The following TRPS1 variants were observed in gnomAD, a reference collection of about 807,000 sequenced individuals.
The protein encoded by TRPS1 is transcriptional repressor GATA binding 1.
Under a neutral mutation model 101.2 loss-of-function variants are expected in TRPS1, and 6 were observed. That is an observed-to-expected ratio of 0.06 (90% confidence interval 0.03 to 0.12). The LOEUF (loss-of-function observed/expected upper bound fraction) is 0.12, where lower values mean the gene tolerates loss of function less well. Ranked by LOEUF, TRPS1 falls within the 10% of genes least tolerant of loss-of-function variation. The probability of loss-of-function intolerance (pLI) is 1.00; values close to 1 mark genes in which losing one functional copy is unlikely to be tolerated. For synonymous variants in TRPS1, 578 were observed against 589.8 expected (o/e 0.98, Z 0.29); for missense variants, 1,363 against 1,567.0 (o/e 0.87, Z 2.20).
chr8:115,593,505 G>C (rs940615251), intron 4 of TRPS1, among the ~76,000 whole-genome samples: 1 of 152,098 alleles, frequency 6.6e-6, no homozygotes, highest in African/African-American at 2.4e-5. Flanking sequence ...GTACCTAAAA[G>C]ATTTGAGCAT....
chr8:115,469,355 C>G (rs1201416572), intron 5 of TRPS1, among the ~76,000 whole-genome samples: 1 of 152,180 alleles, frequency 6.6e-6, no homozygotes, highest in East Asian at 1.9e-4. Context: ...GCTAAGAAGA[C>G]AGAACCTGGT....
intron 5 of TRPS1, among the ~76,000 whole-genome samples, chr8:115,460,283 A>C (rs1814135163): frequency 6.6e-6 from 1 of 151,936 alleles, no homozygotes; most frequent in African/African-American, 2.4e-5. Context: ...AAATGTTAGT[A>C]TTTTAGTTTA....
At chr8:115,492,797 A>T (rs1815060705) in intron 5 of TRPS1, among the ~76,000 whole-genome samples, 1 of 151,898 alleles carries the variant, frequency 6.6e-6, no homozygotes, top group South Asian at 2.1e-4. Context: ...CACTGCAACC[A>T]CCACCTCCCA....
chr8:115,541,290 T>C (rs1010939507), intron 5 of TRPS1, among the ~76,000 whole-genome samples: 3 of 152,202 alleles, frequency 2.0e-5, no homozygotes, highest in Non-Finnish European at 4.4e-5. Flanking sequence ...CTTACTATAC[T>C]TTTTTGATAT....
At chr8:115,518,160 A>G (rs1815767933) in intron 5 of TRPS1, among the ~76,000 whole-genome samples, 1 of 151,822 alleles carries the variant, frequency 6.6e-6, no homozygotes, top group East Asian at 1.9e-4. Flanking sequence ...AACAAATCCA[A>G]ACCTTACAGT....
At chr8:115,488,159 T>G (rs1422723490) in intron 5 of TRPS1, among the ~76,000 whole-genome samples, 1 of 152,190 alleles carries the variant, frequency 6.6e-6, no homozygotes, top group South Asian at 2.1e-4. Flanking sequence ...CCTTAGAGGC[T>G]TAGATAATCA....
chr8:115,560,429 A>C (rs1486784522), intron 5 of TRPS1, among the ~76,000 whole-genome samples: 10 of 152,174 alleles, frequency 6.6e-5, no homozygotes, highest in Non-Finnish European at 1.5e-4. Context: ...CACGTTGCTA[A>C]GGTGTAAAGG....
chr8:115,647,061 A>G (rs1470284572), intron 1 of TRPS1, among the ~76,000 whole-genome samples: 2 of 152,180 alleles, frequency 1.3e-5, no homozygotes, highest in Non-Finnish European at 2.9e-5. Context: ...CCTGTCACCT[A>G]CAAGTTAAAA....
intron 5 of TRPS1, among the ~76,000 whole-genome samples, chr8:115,472,961 T>C (rs1418700452): frequency 1.3e-5 from 2 of 152,234 alleles, no homozygotes; most frequent in Non-Finnish European, 2.9e-5. Flanking sequence ...ATCAGCATGT[T>C]ACTCAAAGCC....
chr8:115,631,634 CATGGATGGATGG>C (rs57368306), intron 1 of TRPS1, among the ~76,000 whole-genome samples: 62 of 149,376 alleles, frequency 4.2e-4, no homozygotes, highest in East Asian at 1.8e-3. Context: ...TTATTAGATG[CATGGATGGATGG>C]ATGGATGGAT....
At chr8:115,572,238 C>A (rs907579856) in intron 5 of TRPS1, among the ~76,000 whole-genome samples, 4 of 151,866 alleles carry the variant, frequency 2.6e-5, no homozygotes, top group Non-Finnish European at 4.4e-5. Flanking sequence ...GCAGAGGGGG[C>A]CTCACTCATT....
intron 5 of TRPS1, among the ~76,000 whole-genome samples, chr8:115,499,959 C>CTTTCTTTCTTTCT (rs1554578307): frequency 2.7e-4 from 16 of 59,980 alleles, no homozygotes; most frequent in African/African-American, 4.1e-4. Context: ...TTCTTTCTTT[C>CTTTCTTTCTTTCT]TTTCTTTTCT....
At chr8:115,471,127 T>C (rs1388115133) in intron 5 of TRPS1, among the ~76,000 whole-genome samples, 1 of 152,158 alleles carries the variant, frequency 6.6e-6, no homozygotes, top group African/African-American at 2.4e-5. Flanking sequence ...TCAGCACCTA[T>C]CTACCTCCTC....
At chr8:115,618,521 T>C (rs1818318661) in intron 3 of TRPS1, among the ~76,000 whole-genome samples, 1 of 152,206 alleles carries the variant, frequency 6.6e-6, no homozygotes, top group Non-Finnish European at 1.5e-5. Flanking sequence ...CAGAAAGGAA[T>C]GCTTTATTGG....
At chr8:115,491,743 C>T (rs1020841958) in intron 5 of TRPS1, among the ~76,000 whole-genome samples, 3 of 152,092 alleles carry the variant, frequency 2.0e-5, no homozygotes, top group African/African-American at 4.8e-5. Context: ...GATACTGCTG[C>T]CCACCCTCAA....
At chr8:115,506,612 C>G (rs1248367737) in intron 5 of TRPS1, among the ~76,000 whole-genome samples, 1 of 152,044 alleles carries the variant, frequency 6.6e-6, no homozygotes, top group East Asian at 1.9e-4. Context: ...TAGATACTTA[C>G]CTAAATATTA....
intron 3 of TRPS1, among the ~76,000 whole-genome samples, chr8:115,608,746 T>G (rs1002955278): frequency 3.3e-5 from 5 of 151,702 alleles, no homozygotes; most frequent in Admixed American, 3.3e-4. Context: ...TAGCCACAAG[T>G]AGGCTTAGTA....
chr8:115,624,033 C>T (rs184697827), intron 1 of TRPS1, among the ~76,000 whole-genome samples: 2 of 152,014 alleles, frequency 1.3e-5, no homozygotes, highest in Non-Finnish European at 2.9e-5. Context: ...ACCCCTTCAA[C>T]CCTAATGACC....
chr8:115,639,848 A>G (rs1410590772), intron 1 of TRPS1, among the ~76,000 whole-genome samples: 1 of 152,106 alleles, frequency 6.6e-6, no homozygotes, highest in Non-Finnish European at 1.5e-5. Context: ...ATAAATAAAT[A>G]AAAAGTCTAA....
Sources: allele counts gnomAD v4.1 joint callset (sites outside exome capture counted in the v4.1 genomes callset), GRCh38; gene constraint gnomAD v4.1.1; transcripts MANE v1.5; gene names NCBI Gene and HGNC (gene_info 2026-07-23, HGNC 2026-07-21).